Variants in VWC2L observed in about 807,000 individuals in gnomAD.
The protein encoded by VWC2L is von Willebrand factor C domain-containing protein 2-like.
A neutral mutation model predicts 21.6 loss-of-function variants in VWC2L; 10 were observed. That is an observed-to-expected ratio of 0.46 (90% CI 0.29 to 0.78). The LOEUF (loss-of-function observed/expected upper bound fraction) is 0.78, where lower values mean the gene tolerates loss of function less well. Ranked by LOEUF, VWC2L falls within the 30% of genes least tolerant of loss-of-function variation. The probability of loss-of-function intolerance (pLI) is 0.10; values close to 1 mark genes in which losing one functional copy is unlikely to be tolerated. For synonymous variants in VWC2L, 96 were observed against 94.3 expected (o/e 1.02, Z -0.10); for missense variants, 209 against 277.1 (o/e 0.75, Z 1.74).
chr2:214,452,074 G>T (rs1413361264), intron 3 of VWC2L, among the ~76,000 whole-genome samples: 1 of 152,046 alleles, frequency 6.6e-6, no homozygotes, highest in Non-Finnish European at 1.5e-5. Flanking sequence ...TTCAGTCCTT[G>T]TACATCAATT....
At chr2:214,420,079 T>C (rs1172604762) in intron 2 of VWC2L, among the ~76,000 whole-genome samples, 1 of 152,018 alleles carries the variant, frequency 6.6e-6, no homozygotes, top group Non-Finnish European at 1.5e-5. Flanking sequence ...ATAAGAAAAT[T>C]AAGCCGTGGG....
chr2:214,529,194 T>A (rs1021501314), intron 3 of VWC2L, among the ~76,000 whole-genome samples: 2 of 152,164 alleles, frequency 1.3e-5, no homozygotes, highest in Non-Finnish European at 2.9e-5. Flanking sequence ...TTTGGATTCC[T>A]AGAGAGAAAG....
At chr2:214,511,475 G>T (rs1230198070) in intron 3 of VWC2L, among the ~76,000 whole-genome samples, 1 of 152,180 alleles carries the variant, frequency 6.6e-6, no homozygotes, top group Admixed American at 6.5e-5. Context: ...CTTATAAGAA[G>T]AGGAAGAGAG....
intron 2 of VWC2L, chr2:214,436,367 G>A (rs1006142232): frequency 6.9e-5 from 23 of 334,400 alleles, no homozygotes; most frequent in Non-Finnish European, 1.1e-4. Flanking sequence ...ATATTTCTCT[G>A]GAAAGTAGGA....
chr2:214,510,481 C>A (rs530932499), intron 3 of VWC2L, among the ~76,000 whole-genome samples: 2 of 151,884 alleles, frequency 1.3e-5, no homozygotes, highest in South Asian at 4.2e-4. Context: ...CTGTGAAAAA[C>A]CGACAAGGTA....
At position 214,575,972 on chromosome 2, in the gene VWC2L, C is replaced by A; in HGVS notation, c.*152C>A. The stretch of plus-strand genomic sequence containing the variant: ...TAGGGTTGACAAAAGTGAATATTTT[C>A]CTAAGAGGAAATTTCTTTCTCTCTT... On this transcript the variant is annotated 3_prime_UTR_variant, in exon 4 of 4. Coordinates refer to ENST00000312504, the MANE Select transcript of VWC2L (RefSeq NM_001080500.4). 1 of 788,406 alleles carries A rather than the reference C, an allele frequency of 1.3e-6. No homozygotes were observed. The allele number at this position is 788,406 out of a possible 1,614,324, so 48.8% of individuals were successfully genotyped here.
rs1690256474 is a variant in VWC2L at position 214,577,782 on chromosome 2, G to A, written c.*1962G>A. ...CATCTGCTGTCATCAAGAAAGAGTT[G>A]TCATTTCCAAAATTAACGTGCTGAC... On this transcript the variant is annotated 3_prime_UTR_variant, in exon 4 of 4. Transcript: ENST00000312504. 1 of 152,124 alleles carries A rather than the reference G, an allele frequency of 6.6e-6. No homozygotes were observed. The highest frequency in any genetic ancestry group is 2.4e-5 in the African/African-American group (1 of 41,412). The allele number at this position is 152,124 out of a possible 1,614,324, so 9.4% of individuals were successfully genotyped here. A position where few individuals can be genotyped will look rare whatever the true frequency, so the allele number is the denominator to read the frequency against.
At chr2:214,574,280 G>A (rs1469692793) in intron 3 of VWC2L, among the ~76,000 whole-genome samples, 2 of 152,178 alleles carry the variant, frequency 1.3e-5, no homozygotes, top group African/African-American at 4.8e-5. Flanking sequence ...CACATGCCAA[G>A]TGTTTGTGTT....
intron 3 of VWC2L, among the ~76,000 whole-genome samples, chr2:214,532,181 C>T (rs1443044308): frequency 2.0e-5 from 3 of 152,010 alleles, no homozygotes; most frequent in African/African-American, 7.2e-5. Flanking sequence ...ATAGGAAATG[C>T]CTACACAGCA....
At chr2:214,429,277 C>T (rs1289499271) in intron 2 of VWC2L, among the ~76,000 whole-genome samples, 2 of 152,180 alleles carry the variant, frequency 1.3e-5, no homozygotes, top group South Asian at 2.1e-4. Flanking sequence ...GTTCTGCTTA[C>T]AGTACTCAGT....
At chr2:214,488,435 AAAAAAATAC>A (rs1458781259) in intron 3 of VWC2L, among the ~76,000 whole-genome samples, 2 of 152,080 alleles carry the variant, frequency 1.3e-5, no homozygotes, top group Middle Eastern at 3.2e-3. Flanking sequence ...CTGTCTCTAC[AAAAAAATAC>A]AAGAATTAGC....
rs142755478 is a variant in VWC2L at position 214,526,434 on chromosome 2, G to A, written c.521-49238G>A. On this transcript the variant is annotated intron_variant, in intron 3 of 3. Coordinates refer to ENST00000312504, the MANE Select transcript of VWC2L (RefSeq NM_001080500.4). ...AATACTTTTTGGCATTTTTCGATTC[G>A]TTCACTGTAGAATAAAATAAGTGAC... 3.9e-3 allele frequency among the ~76,000 whole-genome samples: 590 copies of A among 152,106 alleles called. 8 individuals carry two copies. The highest frequency in any genetic ancestry group is 0.014 in the African/African-American group (572 of 41,502).
chr2:214,463,454 T>C (rs2126189591), intron 3 of VWC2L, among the ~76,000 whole-genome samples: 1 of 152,284 alleles, frequency 6.6e-6, no homozygotes, highest in South Asian at 2.1e-4. Context: ...TATTTATTTG[T>C]ATTTCTATAA....
At chr2:214,519,078 T>C (rs1171612858) in intron 3 of VWC2L, among the ~76,000 whole-genome samples, 2 of 152,204 alleles carry the variant, frequency 1.3e-5, no homozygotes, top group Non-Finnish European at 2.9e-5. Flanking sequence ...TTTCGTTCTT[T>C]TGAAAAACCT....
At chr2:214,456,654 G>A (rs1703062454) in intron 3 of VWC2L, among the ~76,000 whole-genome samples, 1 of 151,914 alleles carries the variant, frequency 6.6e-6, no homozygotes, top group South Asian at 2.1e-4. Flanking sequence ...TATTTTCCTA[G>A]ACCAACATCC....
intron 3 of VWC2L, among the ~76,000 whole-genome samples, chr2:214,482,145 T>G (rs1302741433): frequency 6.6e-6 from 1 of 152,114 alleles, no homozygotes; most frequent in Non-Finnish European, 1.5e-5. Flanking sequence ...AAATGAACAG[T>G]CGCAATAGGT....
intron 2 of VWC2L, among the ~76,000 whole-genome samples, chr2:214,417,968 A>T (rs1001694462): frequency 5.3e-5 from 8 of 152,144 alleles, no homozygotes; most frequent in African/African-American, 9.7e-5. Flanking sequence ...TGTAGCCTAG[A>T]TTCTACTCAT....
intron 3 of VWC2L, among the ~76,000 whole-genome samples, chr2:214,559,567 A>C (rs1290366610): frequency 1.3e-5 from 2 of 151,544 alleles, no homozygotes; most frequent in Non-Finnish European, 2.9e-5. Context: ...CCCTTAGTAT[A>C]TGAACTCTTT....
chr2:214,556,617 A>G (rs1032840791), intron 3 of VWC2L, among the ~76,000 whole-genome samples: 4 of 152,158 alleles, frequency 2.6e-5, no homozygotes, highest in Admixed American at 6.5e-5. Flanking sequence ...CCAGAGTAGG[A>G]GTTAGGTAAC....
Sources: gnomAD v4.1 joint callset for allele counts (sites outside exome capture counted in the v4.1 genomes callset) on GRCh38, gnomAD v4.1.1 for gene constraint, MANE v1.5 for transcripts, NCBI Gene and HGNC (gene_info 2026-07-23, HGNC 2026-07-21) for gene names.